UPP2: variants seen among roughly 807,000 people sequenced by gnomAD.
UPP2 encodes the protein UPase 2.
A neutral mutation model predicts 26.7 loss-of-function variants in UPP2; 23 were observed. The ratio of observed to expected loss-of-function variants is 0.86; its 90% CI spans 0.62 to 1.22. UPP2 has a LOEUF of 1.22. Among genes scored for constraint, UPP2 ranks in the 50% most tolerant of loss-of-function variants. The pLI is 0.00. For synonymous variants in UPP2, 127 were observed against 141.3 expected, an observed-to-expected ratio of 0.90 and a Z score of 0.72; for missense variants, 387 against 396.7, an observed-to-expected ratio of 0.98 and a Z score of 0.21.
chr2:158,106,311 C>T, intron 2 of UPP2, 95 bp downstream of exon 2: 5 of 1,032,950 alleles, frequency 4.8e-6, no homozygotes, highest in Non-Finnish European at 7.3e-6. Context: ...CTTTGGCTAG[C>T]ACAGTCCCAA....
intron 3 of UPP2, among the ~76,000 whole-genome samples, chr2:158,047,241 C>CG (rs1270268060): frequency 2.6e-5 from 4 of 152,150 alleles, no homozygotes; most frequent in African/African-American, 9.7e-5. Context: ...GTTCACACAG[C>CG]GGGGGTATTG....
At chr2:158,089,296 C>T (rs980522759) in intron 3 of UPP2, among the ~76,000 whole-genome samples, 1 of 152,150 alleles carries the variant, frequency 6.6e-6, no homozygotes, top group African/African-American at 2.4e-5. Context: ...CCTGGCTTCT[C>T]TGCAGCCTGA....
At chr2:158,024,676 T>C (rs1379842314) in intron 3 of UPP2, among the ~76,000 whole-genome samples, 2 of 152,174 alleles carry the variant, frequency 1.3e-5, no homozygotes, top group African/African-American at 4.8e-5. Context: ...TGACATGATC[T>C]AGATGGAGGA....
At chr2:158,011,941 G>C (rs1354562726) in intron 2 of UPP2, among the ~76,000 whole-genome samples, 1 of 152,078 alleles carries the variant, frequency 6.6e-6, no homozygotes. Flanking sequence ...AAAATTCTGG[G>C]TTTTTCCACT....
rs527366133 is a variant in UPP2, at chr2:158,074,130, T to C, written c.148-27910T>C. On this transcript the variant is annotated intron_variant, in intron 3 of 9. Transcript: ENST00000605860. Reference sequence around the variant, plus strand: ...ATGCAGAGGTTTCAGTGAGCCAAGATTGTGCCACTGCATTCCAGCCAAGGT... The same window carrying C: ...ATGCAGAGGTTTCAGTGAGCCAAGACTGTGCCACTGCATTCCAGCCAAGGT... Among the ~76,000 whole-genome samples, 116 of 152,278 alleles carry C rather than the reference T, an allele frequency of 7.6e-4. No homozygotes were observed. The Middle Eastern group carries it at 0.01, about 13-fold the overall frequency.
intron 3 of UPP2, chr2:158,065,645 G>A (rs966161145): frequency 2.4e-5 from 14 of 572,466 alleles, no homozygotes; most frequent in African/African-American, 1.3e-4. Flanking sequence ...AAACAAATTC[G>A]TAGAGGAACT....
intron 6 of UPP2, among the ~76,000 whole-genome samples, chr2:158,131,931 C>G (rs572567876): frequency 6.6e-6 from 1 of 152,316 alleles, no homozygotes; most frequent in South Asian, 2.1e-4. Context: ...TGGCATTCCC[C>G]TTGAAATCCA....
intron 3 of UPP2, among the ~76,000 whole-genome samples, chr2:158,061,496 T>C (rs1296043948): frequency 6.6e-6 from 1 of 152,228 alleles, no homozygotes; most frequent in Non-Finnish European, 1.5e-5. Flanking sequence ...TTATTTTCGC[T>C]GTAACTTAGA....
intron 2 of UPP2, among the ~76,000 whole-genome samples, chr2:158,001,543 T>G (rs1683407889): frequency 6.6e-6 from 1 of 152,158 alleles, no homozygotes. Context: ...CAAAAGAGCC[T>G]GTTTATACAG....
chr2:158,132,623 A>G (rs985068572), intron 6 of UPP2, among the ~76,000 whole-genome samples: 1 of 152,224 alleles, frequency 6.6e-6, no homozygotes, highest in African/African-American at 2.4e-5. Context: ...AACATTTCTA[A>G]ACTGATACAT....
chr2:158,083,196 C>T (rs540307244), intron 3 of UPP2, among the ~76,000 whole-genome samples: 17 of 152,230 alleles, frequency 1.1e-4, no homozygotes, highest in East Asian at 7.7e-4. Flanking sequence ...CCCAGCAATC[C>T]CATTACTGGG....
chr2:158,074,829 ATT>A (rs553783906), intron 3 of UPP2, among the ~76,000 whole-genome samples: 11 of 142,284 alleles, frequency 7.7e-5, no homozygotes, highest in East Asian at 2.0e-4. Flanking sequence ...GACTGAGAGA[ATT>A]TTTTTTTTTT....
chr2:158,061,680 T>A lies in UPP2; in HGVS notation c.148-40360T>A, dbSNP rs559370144. Among the ~76,000 whole-genome samples the A allele has an allele frequency of 5.7e-4, 87 of 152,380 alleles. 1 individual carries two copies. In the South Asian group the frequency reaches 0.016, roughly 27 times the overall value. On this transcript the variant is annotated intron_variant, in intron 3 of 9. Transcript: ENST00000605860. ...CTGTCTCTTCCATTTAAACAGTTTC[T>A]TCTAGATCATTTGGATTATTTGGGG...
intron 2 of UPP2, among the ~76,000 whole-genome samples, chr2:158,113,106 C>T (rs1032989554): frequency 6.6e-6 from 1 of 152,162 alleles, no homozygotes; most frequent in Non-Finnish European, 1.5e-5. Context: ...GCTTTAAGAA[C>T]CAAGCTGCTT....
chr2:158,040,951 C>G (rs998938949), intron 3 of UPP2, among the ~76,000 whole-genome samples: 9 of 152,120 alleles, frequency 5.9e-5, no homozygotes, highest in Non-Finnish European at 7.3e-5. Flanking sequence ...ATTGCATTGC[C>G]TATGTAATTG....
chr2:158,064,128 G>A (rs947025235), intron 3 of UPP2, among the ~76,000 whole-genome samples: 3 of 152,192 alleles, frequency 2.0e-5, no homozygotes, highest in Non-Finnish European at 4.4e-5. Flanking sequence ...GGATTGCTGG[G>A]TCAAATGGTA....
At chr2:158,033,524 C>A (rs1683956586) in intron 3 of UPP2, among the ~76,000 whole-genome samples, 1 of 152,166 alleles carries the variant, frequency 6.6e-6, no homozygotes, top group African/African-American at 2.4e-5. Context: ...GCCAGCCAGC[C>A]AGCCAGTGAG....
intron 3 of UPP2, among the ~76,000 whole-genome samples, chr2:158,019,872 C>T (rs750619573): frequency 2.6e-5 from 4 of 151,968 alleles, no homozygotes; most frequent in Admixed American, 6.6e-5. Context: ...AAGGTGGTTA[C>T]GTAAATTTAC....
At chr2:158,070,610 G>A (rs1403532722) in intron 3 of UPP2, among the ~76,000 whole-genome samples, 2 of 152,150 alleles carry the variant, frequency 1.3e-5, no homozygotes, top group Non-Finnish European at 2.9e-5. Context: ...TATGGGGGGC[G>A]GAGCAAGGTG....
Sources: gnomAD v4.1 joint callset for allele counts (sites outside exome capture counted in the v4.1 genomes callset) on GRCh38, gnomAD v4.1.1 for gene constraint, MANE v1.5 for transcripts, NCBI Gene and HGNC (gene_info 2026-07-23, HGNC 2026-07-21) for gene names.